GALNT9: variants seen among roughly 807,000 people sequenced by gnomAD.
GALNT9 encodes polypeptide N-acetylgalactosaminyltransferase 9.
GALNT9 carries 47 observed loss-of-function variants against 63.1 expected under a neutral mutation model. The ratio of observed to expected loss-of-function variants is 0.75; its 90% confidence interval spans 0.59 to 0.95. The LOEUF (loss-of-function observed/expected upper bound fraction) is 0.95. Among genes scored for constraint, GALNT9 ranks in the 40% least tolerant of loss-of-function variants. The probability of loss-of-function intolerance (pLI) is 0.00; values close to 1 mark genes in which losing one functional copy is unlikely to be tolerated. For synonymous variants in GALNT9, 396 were observed against 365.7 expected, an observed-to-expected ratio of 1.08 and a Z score of -0.94; for missense variants, 829 against 874.8, an observed-to-expected ratio of 0.95 and a Z score of 0.66.
rs978500987 is a variant in GALNT9 at position 132,298,973 on chromosome 12, T to A, written c.239-12543A>T. ...CCACTCCTGAGATAAATCACTCCCA[T>A]AACTAACCCACTCGGACCACACCTA... On this transcript the variant is annotated intron_variant, in intron 1 of 10. Transcript: ENST00000328957. Among the ~76,000 whole-genome samples the A allele has an allele frequency of 4.9e-5, 7 of 144,130 alleles. 2 individuals carry two copies. Among genetic ancestry groups the A allele is most frequent in the Non-Finnish European group, 9.1e-5 (6 of 66,140 alleles). The allele number at this position is 144,130 out of a possible 152,430, so 94.6% of individuals were successfully genotyped here. A position where few individuals can be genotyped will look rare whatever the true frequency, so the allele number is the denominator to read the frequency against.
intron 6 of GALNT9, among the ~76,000 whole-genome samples, chr12:132,233,267 G>C (rs1362220367): frequency 9.3e-5 from 1 of 10,800 alleles, no homozygotes; most frequent in Admixed American, 8.6e-4. Context: ...GGAGCCCCTA[G>C]TGCCACACAC....
rs2136897982 is a variant in GALNT9, at chr12:132,240,271, C to T, written c.1077+7639G>A. Among the ~76,000 whole-genome samples, 67 of 152,246 alleles carry T rather than the reference C, an allele frequency of 4.4e-4. No individual in the cohort carries two copies. The South Asian group carries it at 9.7e-3, about 22-fold the overall frequency. ...ATATGACCAAGTCAGGCGCCGCCAT[C>T]GGGCTGGGGGTCACCGTGCCCCTCC... On this transcript the variant is annotated intron_variant, in intron 6 of 10. Transcript: ENST00000328957.
intron 6 of GALNT9, among the ~76,000 whole-genome samples, chr12:132,230,065 T>A (rs993521555): frequency 4.6e-5 from 7 of 152,136 alleles, no homozygotes; most frequent in African/African-American, 1.7e-4. Context: ...CCATCAACAG[T>A]CGCCACCGGG....
At chr12:132,209,430 G>T (rs1390380207) in intron 6 of GALNT9, among the ~76,000 whole-genome samples, 3 of 152,082 alleles carry the variant, frequency 2.0e-5, no homozygotes, top group East Asian at 3.8e-4. Flanking sequence ...TGCACCTGTA[G>T]TCCCAGCTAC....
chr12:132,216,676 G>C (rs1443281275), intron 6 of GALNT9, among the ~76,000 whole-genome samples: 1 of 152,208 alleles, frequency 6.6e-6, no homozygotes, highest in African/African-American at 2.4e-5. Flanking sequence ...CCAGCATCTG[G>C]GGGGATGAGC....
At chr12:132,201,850 G>A (rs537581066) in intron 7 of GALNT9, among the ~76,000 whole-genome samples, 1 of 152,294 alleles carries the variant, frequency 6.6e-6, no homozygotes, top group Non-Finnish European at 1.5e-5. Flanking sequence ...GTCCTCTGCC[G>A]TGAGAACCCA....
chr12:132,261,520 A>T (rs1365027891), intron 3 of GALNT9, among the ~76,000 whole-genome samples: 1 of 152,198 alleles, frequency 6.6e-6, no homozygotes, highest in Non-Finnish European at 1.5e-5. Flanking sequence ...CAAGGGCAAG[A>T]CACAGGTAGC....
rs763735503 is a variant in GALNT9 at position 132,197,953 on chromosome 12, G to T, written c.1504C>A (p.Arg502=). The stretch of plus-strand genomic sequence containing the variant: ...TGCAGCAGTCCATCAGCGCTGTACC[G>T]CACCAGCTGGGGACAGGACCACCGG... ...PCHGMSSQLV[R]YSADGLLQLG... Residue 502 remains arginine (R), a synonymous_variant, in exon 10 of 11, where the codon CGG becomes AGG. Coordinates refer to ENST00000328957, the MANE Select transcript of GALNT9 (RefSeq NM_001122636.2). 1.2e-6 allele frequency: 2 copies of T among 1,606,442 alleles called. No individual in the cohort carries two copies. Among genetic ancestry groups the T allele is most frequent in the Non-Finnish European group, 8.5e-7 (1 of 1,176,026 alleles).
At chr12:132,197,744 AGCCCTGCCCCGCCCCAACCCCACG>A (rs914774555) in intron 10 of GALNT9, 24 bp downstream of exon 10, 2 of 1,365,564 alleles carry the variant, frequency 1.5e-6, no homozygotes, top group Admixed American at 4.1e-5. Flanking sequence ...GGGTCCCAGC[AGCCCTGCCCCGCCCCAACCCCACG>A]GCCCCCCTTC....
chr12:132,241,225 G>A (rs1413460832), intron 6 of GALNT9, among the ~76,000 whole-genome samples: 3 of 88,852 alleles, frequency 3.4e-5, no homozygotes, highest in African/African-American at 1.4e-4. Flanking sequence ...CCCTTCCAGG[G>A]GCCCTCCCTA....
At position 132,258,887 on chromosome 12, in the gene GALNT9, C is replaced by G. The variant is rs1414073845; in HGVS notation, c.762-1001G>C. On this transcript the variant is annotated intron_variant, in intron 4 of 10. Transcript: ENST00000328957. ...CCACAGGGCCAAAGCCACCCAGCCA[C>G]TGGCTGACACAGAGCCCAGAGGCTG... 3.3e-5 allele frequency among the ~76,000 whole-genome samples: 5 copies of G among 152,350 alleles called. No individual in the cohort carries two copies. In the East Asian group the frequency reaches 5.8e-4, roughly 18 times the overall value.
chr12:132,216,069 G>A (rs939038495), intron 6 of GALNT9, among the ~76,000 whole-genome samples: 1 of 152,124 alleles, frequency 6.6e-6, no homozygotes, highest in Non-Finnish European at 1.5e-5. Flanking sequence ...GAGACATAGA[G>A]AGACGTAGAC....
At chr12:132,207,993 G>C (rs1876797225) in intron 6 of GALNT9, among the ~76,000 whole-genome samples, 2 of 152,298 alleles carry the variant, frequency 1.3e-5, no homozygotes, top group Non-Finnish European at 2.9e-5. Context: ...CTGCGTCAGA[G>C]TTAATGACCG....
chr12:132,268,131 T>A (rs1439349649), intron 2 of GALNT9, among the ~76,000 whole-genome samples: 4 of 128,556 alleles, frequency 3.1e-5, no homozygotes, highest in African/African-American at 1.5e-4. Flanking sequence ...ACACACACAC[T>A]CACGCTCACA....
chr12:132,299,880 A>G (rs1270681566), intron 1 of GALNT9, among the ~76,000 whole-genome samples: 1 of 139,802 alleles, frequency 7.2e-6, no homozygotes, highest in Non-Finnish European at 1.6e-5. Flanking sequence ...CACTCCCATA[A>G]CTAACCCACT....
chr12:132,326,321 AT>A lies in GALNT9; in HGVS notation c.238+2644del, dbSNP rs1869035209. ...AGAAGGGTGGTTTTTGTGTATAAAC[AT>A]TTTTTCCTTGCCTTGAGCGCTGAAC... On this transcript the variant is annotated intron_variant, in intron 1 of 10. Transcript: ENST00000328957. Among the ~76,000 whole-genome samples the A allele has an allele frequency of 2.6e-5, 4 of 152,194 alleles. No homozygotes were observed. The South Asian group carries it at 8.3e-4, about 31-fold the overall frequency.
intron 1 of GALNT9, among the ~76,000 whole-genome samples, chr12:132,307,377 A>G (rs1881651782): frequency 6.6e-6 from 1 of 152,144 alleles, no homozygotes; most frequent in African/African-American, 2.4e-5. Flanking sequence ...GGTGGGATAA[A>G]TAACCGATTC....
intron 1 of GALNT9, among the ~76,000 whole-genome samples, chr12:132,313,871 C>T (rs1397876723): frequency 7.1e-6 from 1 of 140,078 alleles, no homozygotes; most frequent in Non-Finnish European, 1.5e-5. Context: ...CCCACCCACC[C>T]ATCCATCCGT....
At chr12:132,299,026 C>T (rs1282921211) in intron 1 of GALNT9, among the ~76,000 whole-genome samples, 4 of 147,278 alleles carry the variant, frequency 2.7e-5, no homozygotes, top group African/African-American at 9.9e-5. Flanking sequence ...CCAAGCCACT[C>T]CTGAGATAAC....
Sources: gnomAD v4.1 joint callset for allele counts (sites outside exome capture counted in the v4.1 genomes callset) on GRCh38, gnomAD v4.1.1 for gene constraint, MANE v1.5 for transcripts, NCBI Gene and HGNC (gene_info 2026-07-23, HGNC 2026-07-21) for gene names.